The following TAF1A variants were observed in gnomAD, a reference collection of about 807,000 sequenced individuals.
TAF1A encodes the protein TATA box-binding protein-associated factor RNA polymerase I subunit A.
Under a neutral mutation model 61.6 loss-of-function variants are expected in TAF1A, and 42 were observed. That is an observed-to-expected ratio of 0.68 (90% CI 0.53 to 0.88). The LOEUF (loss-of-function observed/expected upper bound fraction) is 0.88. Among genes scored for constraint, TAF1A ranks in the 40% least tolerant of loss-of-function variants. The pLI, the probability that TAF1A is intolerant of heterozygous loss-of-function variation, is 0.00. For missense variants in TAF1A, 424 were observed against 518.7 expected (o/e 0.82, Z 1.77); for synonymous variants, 179 against 177.7 (o/e 1.01, Z -0.06).
At position 222,577,474 on chromosome 1, in the gene TAF1A, G is replaced by A. The variant is rs1660617760; in HGVS notation, c.575C>T (p.Ser192Phe). 2 of 1,613,662 alleles carry A rather than the reference G, an allele frequency of 1.2e-6. No homozygotes were observed. Reference protein sequence around the residue: ...YKGLLQYYTWSEKKMELSKLD... With the variant: ...YKGLLQYYTWFEKKMELSKLD... ...CTTTGACAATTCCATCTTCTTTTCA[G>A]ACCAGGTATAATACTGTAAAAGCCC... The change falls in exon 5 of 11, where the codon TCT becomes TTT. Residue 192 changes from serine (S) to phenylalanine (F), a missense_variant. By Grantham distance (155) the Ser-to-Phe change is radical. Coordinates refer to ENST00000352967, the MANE Select transcript of TAF1A (RefSeq NM_005681.4).
chr1:222,564,316 TAAA>T (rs34892481), intron 7 of TAF1A, among the ~76,000 whole-genome samples, 191 bp from the exon 8 acceptor site: 17 of 110,620 alleles, frequency 1.5e-4, no homozygotes, highest in African/African-American at 2.8e-4. Context: ...AAAGCTGTCT[TAAA>T]AAAAAAAAAA....
intron 7 of TAF1A, among the ~76,000 whole-genome samples, chr1:222,565,734 T>C (rs1660089447): frequency 6.6e-6 from 1 of 152,138 alleles, no homozygotes; most frequent in Non-Finnish European, 1.5e-5. Flanking sequence ...TGGTGGCGTG[T>C]GCCTGTAGTC....
Position 222,561,067 on chromosome 1 carries a change from T to C in TAF1A, c.1240+297A>G, listed in dbSNP as rs575164209. 2.6e-5 allele frequency among the ~76,000 whole-genome samples: 4 copies of C among 152,280 alleles called. No individual in the cohort carries two copies. The East Asian group carries it at 7.7e-4, about 29-fold the overall frequency. On this transcript the variant is annotated intron_variant, in intron 10 of 10. Coordinates refer to ENST00000352967, the MANE Select transcript of TAF1A (RefSeq NM_005681.4). ...GACACTTGAAAATCTCAGTAAACTT[T>C]CTATAAAACAAGGCCAAATGGTCAA...
chr1:222,559,497 T>C (rs971515582), intron 10 of TAF1A, among the ~76,000 whole-genome samples: 1 of 152,232 alleles, frequency 6.6e-6, no homozygotes, highest in Non-Finnish European at 1.5e-5. Context: ...AAACTGGATA[T>C]TGAGGTTTTT....
chr1:222,584,536 T>C (rs553345034), intron 2 of TAF1A, among the ~76,000 whole-genome samples: 37 of 152,298 alleles, frequency 2.4e-4, no homozygotes, highest in African/African-American at 8.7e-4. Flanking sequence ...CACCAGATCC[T>C]TTAAATCTGA....
At chr1:222,570,900 G>C (rs926127586) in intron 5 of TAF1A, among the ~76,000 whole-genome samples, 1 of 151,974 alleles carries the variant, frequency 6.6e-6, no homozygotes, top group Non-Finnish European at 1.5e-5. Context: ...CAAAACCAAA[G>C]ACAACACAAT....
rs1306525869 is a variant in TAF1A at position 222,570,558 on chromosome 1, G to A, written c.712C>T (p.Pro238Ser). ...ALIKIPGVWD[P>S]FVKSYVEMLE... is the part of the protein sequence containing the mutation. ...ACTTCTACATAACTCTTCACAAAAG[G>A]GTCCCAAACTCCAGGAATTTTAATC... The change falls in exon 6 of 11, where the codon CCT becomes TCT. Residue 238 changes from proline to serine, a missense_variant. Pro to Ser is a moderately conservative substitution (Grantham distance 74, BLOSUM62 -1). Coordinates refer to ENST00000352967, the MANE Select transcript of TAF1A (RefSeq NM_005681.4). The A allele has an allele frequency of 1.2e-6, 2 of 1,610,574 alleles. No individual in the cohort carries two copies. The highest frequency in any genetic ancestry group is 1.7e-6 in the Non-Finnish European group (2 of 1,177,830).
At chr1:222,568,131 A>T (rs1455713716) in intron 7 of TAF1A, among the ~76,000 whole-genome samples, 1 of 151,996 alleles carries the variant, frequency 6.6e-6, no homozygotes, top group Non-Finnish European at 1.5e-5. Flanking sequence ...CCACAAAAAA[A>T]TAGCTAAAAA....
At chr1:222,557,228 T>C (rs1205072980), downstream of TAF1A, among the ~76,000 whole-genome samples, 1 of 152,172 alleles carries the variant, frequency 6.6e-6, no homozygotes, top group Non-Finnish European at 1.5e-5. Context: ...CAGCAGTAAA[T>C]GTAAAAGCCA....
At chr1:222,585,035 A>G (rs1033371766) in intron 2 of TAF1A, among the ~76,000 whole-genome samples, 1 of 152,202 alleles carries the variant, frequency 6.6e-6, no homozygotes, top group African/African-American at 2.4e-5. Flanking sequence ...CTCTTTCCAC[A>G]AGTTAATCTC....
downstream of TAF1A, among the ~76,000 whole-genome samples, chr1:222,555,381 C>T (rs1458139092): frequency 6.6e-6 from 1 of 152,202 alleles, no homozygotes; most frequent in African/African-American, 2.4e-5. Context: ...ACATACTGCT[C>T]AGCCTTATAA....
intron 5 of TAF1A, among the ~76,000 whole-genome samples, chr1:222,574,174 G>C (rs971811082): frequency 6.6e-6 from 1 of 152,068 alleles, no homozygotes; most frequent in Non-Finnish European, 1.5e-5. Context: ...TTCTAATATT[G>C]TACTGATGGT....
chr1:222,572,731 A>G (rs1268464817), intron 5 of TAF1A, among the ~76,000 whole-genome samples: 1 of 152,154 alleles, frequency 6.6e-6, no homozygotes, highest in Non-Finnish European at 1.5e-5. Context: ...AAATGCTACA[A>G]CTGGATATCC....
In TAF1A at chr1:222,561,461, G is replaced by T. The variant is rs1134898; in HGVS notation, c.1143C>A (p.Gly381=). 2.5e-6 allele frequency: 4 copies of T among 1,612,354 alleles called. No homozygotes were observed. Among genetic ancestry groups the T allele is most frequent in the Non-Finnish European group, 3.4e-6 (4 of 1,179,242 alleles). The change falls in exon 10 of 11, where the codon GGC becomes GGA. Residue 381 remains glycine, a synonymous_variant. Transcript: ENST00000352967. Reference sequence around the variant, plus strand: ...TTGCCCAAAAGTAGCTGAAATGAAAGCCTGGCCACCAGTTTTTCCTGGAGT... The same window carrying T: ...TTGCCCAAAAGTAGCTGAAATGAAATCCTGGCCACCAGTTTTTCCTGGAGT... ...EWNSRKNWWP[G]FHFSYFWAKS...
intron 3 of TAF1A, among the ~76,000 whole-genome samples, chr1:222,580,849 C>A (rs1217242317): frequency 6.6e-6 from 1 of 151,778 alleles, no homozygotes; most frequent in Non-Finnish European, 1.5e-5. Context: ...ACATGGGACA[C>A]CAGTTAAAAA....
intron 1 of TAF1A, among the ~76,000 whole-genome samples, chr1:222,589,031 G>C (rs143379018): frequency 6.6e-6 from 1 of 152,300 alleles, no homozygotes; most frequent in African/African-American, 2.4e-5. Flanking sequence ...GAGGGGCTTA[G>C]TGAAATGATG....
chr1:222,555,699 T>C (rs902584285), downstream of TAF1A, among the ~76,000 whole-genome samples: 3 of 152,208 alleles, frequency 2.0e-5, no homozygotes, highest in Admixed American at 6.5e-5. Context: ...AAAGATCTTA[T>C]ATCTTCTCAT....
At chr1:222,571,447 ATTT>A (rs1660347400) in intron 5 of TAF1A, among the ~76,000 whole-genome samples, 1 of 152,132 alleles carries the variant, frequency 6.6e-6, no homozygotes, top group African/African-American at 2.4e-5. Flanking sequence ...AACTATCTCT[ATTT>A]GCAGATGACA....
intron 3 of TAF1A, among the ~76,000 whole-genome samples, chr1:222,581,716 A>AG (rs2102675106): frequency 6.6e-6 from 1 of 152,286 alleles, no homozygotes; most frequent in African/African-American, 2.4e-5. Flanking sequence ...GCCTTGAAGG[A>AG]GGGTAGCTGC....
Sources: allele counts gnomAD v4.1 joint callset (sites outside exome capture counted in the v4.1 genomes callset), GRCh38; gene constraint gnomAD v4.1.1; transcripts MANE v1.5; gene names NCBI Gene and HGNC (gene_info 2026-07-23, HGNC 2026-07-21).